The following SORCS2 variants were observed in gnomAD, a reference collection of about 807,000 sequenced individuals.
SORCS2 encodes the protein VPS10 domain-containing receptor SorCS2.
A neutral mutation model predicts 141.6 loss-of-function variants in SORCS2; 100 were observed. The observed-to-expected ratio is 0.71, with a 90% confidence interval of 0.60 to 0.83. The LOEUF is 0.83. SORCS2 is among the 40% of genes least tolerant of loss of function. The pLI is 0.00. For synonymous variants in SORCS2, 789 were observed against 676.9 expected, an observed-to-expected ratio of 1.17 and a Z score of -2.57; for missense variants, 1,646 against 1,560.2, an observed-to-expected ratio of 1.05 and a Z score of -0.93.
intron 2 of SORCS2, among the ~76,000 whole-genome samples, chr4:7,484,360 C>T (rs1310114030): frequency 2.6e-5 from 4 of 152,174 alleles, no homozygotes; most frequent in African/African-American, 7.2e-5. Flanking sequence ...ACCAAAGTAA[C>T]CTGCGTGGTA....
intron 3 of SORCS2, among the ~76,000 whole-genome samples, chr4:7,611,242 CCTT>C (rs1442088904): frequency 1.3e-5 from 2 of 152,210 alleles, no homozygotes; most frequent in African/African-American, 2.4e-5. Flanking sequence ...GGCTTCCTGG[CCTT>C]CTTCTGGGTG....
At chr4:7,658,518 A>C (rs139972608) in intron 5 of SORCS2, among the ~76,000 whole-genome samples, 122 of 152,122 alleles carry the variant, frequency 8.0e-4, no homozygotes, top group African/African-American at 2.8e-3. Flanking sequence ...AGGAGCTTAC[A>C]AATGGTCTAT....
intron 2 of SORCS2, among the ~76,000 whole-genome samples, chr4:7,477,117 C>T (rs1176869421): frequency 6.6e-6 from 1 of 152,208 alleles, no homozygotes; most frequent in Non-Finnish European, 1.5e-5. Flanking sequence ...TCCACCTGGG[C>T]CGTGGGGAGG....
At chr4:7,610,789 G>A (rs544010844) in intron 3 of SORCS2, among the ~76,000 whole-genome samples, 5 of 152,288 alleles carry the variant, frequency 3.3e-5, no homozygotes, top group Non-Finnish European at 4.4e-5. Context: ...TCAGCACTAC[G>A]ATTGGTAAAG....
intron 10 of SORCS2, among the ~76,000 whole-genome samples, chr4:7,683,884 A>AC (rs1723717706): frequency 6.6e-6 from 1 of 152,304 alleles, no homozygotes; most frequent in African/African-American, 2.4e-5. Context: ...TCATGTGGCT[A>AC]CCAGGGATCC....
At chr4:7,337,063 G>A (rs1183156336) in intron 1 of SORCS2, among the ~76,000 whole-genome samples, 1 of 152,164 alleles carries the variant, frequency 6.6e-6, no homozygotes, top group Non-Finnish European at 1.5e-5. Context: ...GGCTTTTTGT[G>A]CCGAGGTCCA....
intron 18 of SORCS2, among the ~76,000 whole-genome samples, chr4:7,720,352 C>G (rs1199036934): frequency 6.6e-6 from 1 of 152,032 alleles, no homozygotes; most frequent in African/African-American, 2.4e-5. Context: ...ACCTCACACC[C>G]GATAGAAAAA....
intron 1 of SORCS2, among the ~76,000 whole-genome samples, chr4:7,235,299 C>T (rs1712189355): frequency 6.6e-6 from 1 of 152,232 alleles, no homozygotes; most frequent in South Asian, 2.1e-4. Context: ...CTGGGCGTGG[C>T]CTCATCGCCA....
chr4:7,566,229 G>A (rs1714999137), intron 3 of SORCS2, among the ~76,000 whole-genome samples: 1 of 150,228 alleles, frequency 6.7e-6, no homozygotes, highest in African/African-American at 2.5e-5. Flanking sequence ...CAGAGATGAT[G>A]ATAATGTGTT....
At chr4:7,216,876 G>A (rs935645993) in intron 1 of SORCS2, among the ~76,000 whole-genome samples, 2 of 152,188 alleles carry the variant, frequency 1.3e-5, no homozygotes, top group East Asian at 3.9e-4. Flanking sequence ...AGTTGAGATG[G>A]TGGTTTCCAT....
intron 3 of SORCS2, among the ~76,000 whole-genome samples, chr4:7,561,839 C>T (rs1714606070): frequency 6.6e-6 from 1 of 152,186 alleles, no homozygotes; most frequent in Non-Finnish European, 1.5e-5. Context: ...ATCCATCCTT[C>T]CATCCATCCA....
At chr4:7,428,362 T>C (rs1178508816) in intron 2 of SORCS2, among the ~76,000 whole-genome samples, 5 of 152,174 alleles carry the variant, frequency 3.3e-5, no homozygotes, top group Admixed American at 2.0e-4. Context: ...CCTGTGCTCA[T>C]GGAGCCTGTT....
intron 1 of SORCS2, among the ~76,000 whole-genome samples, chr4:7,258,550 T>C (rs553110724): frequency 6.6e-6 from 1 of 152,382 alleles, no homozygotes; most frequent in South Asian, 2.1e-4. Flanking sequence ...CTATCACTGA[T>C]GGGCATTTGG....
At chr4:7,521,603 A>G (rs1225879614) in intron 2 of SORCS2, among the ~76,000 whole-genome samples, 2 of 152,078 alleles carry the variant, frequency 1.3e-5, no homozygotes, top group East Asian at 3.9e-4. Context: ...GTGTCTTCTC[A>G]TCTCACAGCA....
intron 2 of SORCS2, among the ~76,000 whole-genome samples, chr4:7,527,850 A>T (rs1366993167): frequency 1.3e-5 from 2 of 152,196 alleles, no homozygotes; most frequent in East Asian, 3.9e-4. Flanking sequence ...TTAGGAGGAA[A>T]TGTCAGCTGG....
chr4:7,414,783 A>G (rs1454943846), intron 2 of SORCS2, among the ~76,000 whole-genome samples: 1 of 152,236 alleles, frequency 6.6e-6, no homozygotes, highest in Non-Finnish European at 1.5e-5. Flanking sequence ...TATGCTGGAC[A>G]CGAACTCAAG....
chr4:7,253,079 T>A (rs1577324124), intron 1 of SORCS2, among the ~76,000 whole-genome samples: 1 of 152,138 alleles, frequency 6.6e-6, no homozygotes, highest in South Asian at 2.1e-4. Context: ...CCATGGCTGG[T>A]TTTTCCTAAT....
intron 3 of SORCS2, among the ~76,000 whole-genome samples, chr4:7,579,354 C>A (rs1400310024): frequency 6.6e-6 from 1 of 152,136 alleles, no homozygotes; most frequent in Non-Finnish European, 1.5e-5. Context: ...GCCACACCCA[C>A]CCGTGTGTGT....
intron 2 of SORCS2, among the ~76,000 whole-genome samples, chr4:7,476,258 G>A (rs1730285983): frequency 6.6e-6 from 1 of 152,202 alleles, no homozygotes; most frequent in South Asian, 2.1e-4. Context: ...GACACAGATT[G>A]ATACATTTAA....
Sources: allele counts gnomAD v4.1 joint callset (sites outside exome capture counted in the v4.1 genomes callset), GRCh38; gene constraint gnomAD v4.1.1; transcripts MANE v1.5; gene names NCBI Gene and HGNC (gene_info 2026-07-23, HGNC 2026-07-21).